The following HTR4 variants were observed in gnomAD, a reference collection of about 807,000 sequenced individuals.
HTR4 encodes the protein 5-hydroxytryptamine (serotonin) receptor 4, G protein-coupled.
HTR4 carries 16 observed loss-of-function variants against 36.8 expected under a neutral mutation model. That is an observed-to-expected ratio of 0.43 (90% CI 0.29 to 0.66). The LOEUF is 0.66. HTR4 is among the 30% of genes least tolerant of loss of function. The pLI is 0.13. For missense variants in HTR4, 438 were observed against 490.9 expected (o/e 0.89, Z 1.02); for synonymous variants, 189 against 185.1 (o/e 1.02, Z -0.17).
At position 148,623,256 on chromosome 5, in the gene HTR4, T is replaced by C. The variant is rs995548167; in HGVS notation, c.26+13733A>G. Reference sequence around the variant, plus strand: ...GAGACTGCAATGGAAGCAAGCTCCTTGCCCCCAGGTCCTTCAGGAAAAATG... The same window carrying C: ...GAGACTGCAATGGAAGCAAGCTCCTCGCCCCCAGGTCCTTCAGGAAAAATG... On this transcript the variant is annotated intron_variant, in intron 2 of 6. Transcript: ENST00000377888. 2.6e-5 allele frequency among the ~76,000 whole-genome samples: 4 copies of C among 152,258 alleles called. No individual in the cohort carries two copies. In the South Asian group the frequency reaches 8.3e-4, roughly 32 times the overall value.
chr5:148,629,221 T>C (rs1471345971), intron 2 of HTR4: 1 of 152,044 alleles, frequency 6.6e-6, no homozygotes, highest in Admixed American at 6.6e-5. Context: ...TGCAGGTCAA[T>C]AATAATTCTG....
intron 2 of HTR4, among the ~76,000 whole-genome samples, chr5:148,551,055 A>G (rs1759659852): frequency 1.3e-5 from 2 of 151,700 alleles, no homozygotes; most frequent in African/African-American, 2.4e-5. Context: ...CTCAAAAGCC[A>G]GGGCCATAGT....
chr5:148,571,166 T>G (rs1469161925), intron 2 of HTR4, among the ~76,000 whole-genome samples: 1 of 152,142 alleles, frequency 6.6e-6, no homozygotes, highest in Non-Finnish European at 1.5e-5. Context: ...TGTAATTATC[T>G]AATCTAGAAC....
intron 5 of HTR4, among the ~76,000 whole-genome samples, chr5:148,515,475 T>C (rs1757698295): frequency 6.6e-6 from 1 of 152,200 alleles, no homozygotes; most frequent in Non-Finnish European, 1.5e-5. Context: ...TATTTTCTTT[T>C]TGACTGAAAA....
At chr5:148,494,958 T>C (rs1238889069) in intron 6 of HTR4, among the ~76,000 whole-genome samples, 1 of 152,260 alleles carries the variant, frequency 6.6e-6, no homozygotes, top group East Asian at 1.9e-4. Context: ...GGATTAACAG[T>C]GGATGATGGA....
chr5:148,481,448 A>C (rs1376816911), downstream of HTR4: 3 of 903,154 alleles, frequency 3.3e-6, no homozygotes, highest in African/African-American at 1.7e-5. Flanking sequence ...ACGAATTCTG[A>C]ATAGCATTTC....
chr5:148,540,907 T>A (rs1259411362), intron 4 of HTR4, among the ~76,000 whole-genome samples: 2 of 152,152 alleles, frequency 1.3e-5, no homozygotes, highest in East Asian at 3.9e-4. Context: ...TATCAGTGTC[T>A]GGGAAGGCCC....
chr5:148,557,363 A>G (rs1480192955), intron 2 of HTR4, among the ~76,000 whole-genome samples: 2 of 139,578 alleles, frequency 1.4e-5, no homozygotes, highest in Non-Finnish European at 3.4e-5. Flanking sequence ...AATAAACGCC[A>G]TATTTTAGAA....
intron 2 of HTR4, among the ~76,000 whole-genome samples, chr5:148,559,668 C>G (rs924870213): frequency 1.1e-4 from 16 of 152,094 alleles, no homozygotes; most frequent in Admixed American, 2.0e-4. Flanking sequence ...CAGCCCAGAA[C>G]GATCAGGACT....
intron 1 of HTR4, among the ~76,000 whole-genome samples, chr5:148,648,779 T>C (rs1753948206): frequency 6.6e-6 from 1 of 152,172 alleles, no homozygotes; most frequent in Non-Finnish European, 1.5e-5. Context: ...TCAGATTCTC[T>C]TTCTTGAGAG....
chr5:148,640,203 G>C (rs1346195555), intron 1 of HTR4, among the ~76,000 whole-genome samples: 1 of 152,170 alleles, frequency 6.6e-6, no homozygotes, highest in Non-Finnish European at 1.5e-5. Context: ...AGAGTATCCT[G>C]ATGAAAGTGA....
chr5:148,595,027 C>T (rs1181884706), intron 2 of HTR4, among the ~76,000 whole-genome samples: 1 of 150,884 alleles, frequency 6.6e-6, no homozygotes, highest in African/African-American at 2.4e-5. Context: ...TAGAAATCTT[C>T]AGAAATCTCT....
intron 1 of HTR4, among the ~76,000 whole-genome samples, chr5:148,651,322 G>T (rs1468353007): frequency 6.6e-6 from 1 of 152,178 alleles, no homozygotes; most frequent in Non-Finnish European, 1.5e-5. Flanking sequence ...AATGTGTGAG[G>T]ATGGTAAAGT....
chr5:148,640,031 A>T (rs890429493), intron 1 of HTR4, among the ~76,000 whole-genome samples: 1 of 152,116 alleles, frequency 6.6e-6, no homozygotes, highest in African/African-American at 2.4e-5. Context: ...CATCCTATAG[A>T]TGAAGAGACT....
chr5:148,543,035 G>A (rs1291015101), intron 4 of HTR4, among the ~76,000 whole-genome samples: 1 of 152,230 alleles, frequency 6.6e-6, no homozygotes, highest in African/African-American at 2.4e-5. Context: ...AGTGAAGAGT[G>A]TTTGACACAA....
At position 148,650,026 on chromosome 5, in the gene HTR4, GT is replaced by G. The variant is rs35355594; in HGVS notation, c.-48+4035del. 5.6e-4 allele frequency among the ~76,000 whole-genome samples: 82 copies of G among 147,672 alleles called. 1 individual carries two copies. Among genetic ancestry groups the G allele is most frequent in the Middle Eastern group, 3.5e-3 (1 of 286 alleles). Reference sequence around the variant, plus strand: ...TTGGGAGTGAGGACCAGCAATTTGTGTTTTTTTTTTAAGTTTTAATTTGTAA... The same window carrying G: ...TTGGGAGTGAGGACCAGCAATTTGTGTTTTTTTTTAAGTTTTAATTTGTAA... On this transcript the variant is annotated intron_variant, in intron 1 of 6. Coordinates refer to ENST00000377888, the MANE Select transcript of HTR4 (RefSeq NM_000870.7).
chr5:148,610,058 A>G, intron 2 of HTR4, among the ~76,000 whole-genome samples: 1 of 152,238 alleles, frequency 6.6e-6, no homozygotes, highest in East Asian at 1.9e-4. Flanking sequence ...AAGCCAGGGC[A>G]TTTCAGAACA....
rs997235172 is a variant in HTR4, at chr5:148,482,133, TCAAGTACAG to T, written c.*1061_*1069del. 57 of 986,000 alleles carry T rather than the reference TCAAGTACAG, an allele frequency of 5.8e-5. No homozygotes were observed. In the African/African-American group the frequency reaches 7.7e-4, roughly 13 times the overall value. The allele number at this position is 986,000 out of a possible 1,614,324, so 61.1% of individuals were successfully genotyped here. ...GGGCGGCAATTTGGGTCCTCTGGCT[TCAAGTACAG>T]CATTGCCTCGGCATCCCCAGTGCTG... On this transcript the variant is annotated 3_prime_UTR_variant, in exon 7 of 7. Coordinates refer to ENST00000377888, the MANE Select transcript of HTR4 (RefSeq NM_000870.7).
At chr5:148,550,312 A>G (rs201490552) in intron 2 of HTR4, 50 bp from the exon 3 acceptor site, 6 of 1,606,302 alleles carry the variant, frequency 3.7e-6, no homozygotes, top group Non-Finnish European at 5.1e-6. Context: ...CTGGGACACA[A>G]GAAGGAAAAT....
Sources: allele counts gnomAD v4.1 joint callset (sites outside exome capture counted in the v4.1 genomes callset), GRCh38; gene constraint gnomAD v4.1.1; transcripts MANE v1.5; gene names NCBI Gene and HGNC (gene_info 2026-07-23, HGNC 2026-07-21).